Variants in INTS15 observed in about 807,000 individuals in gnomAD.
The protein encoded by INTS15 is integrator complex subunit 15.
At chr7:6,599,375 C>G in the INTS15 span, among the ~76,000 whole-genome samples, 2 of 151,964 alleles carry the variant, frequency 1.3e-5, no homozygotes, top group South Asian at 4.1e-4. Context: ...AGATCACTGA[C>G]AGGACTCTGA....
the INTS15 span, among the ~76,000 whole-genome samples, chr7:6,599,074 C>T: frequency 6.6e-6 from 1 of 152,136 alleles, no homozygotes; most frequent in East Asian, 1.9e-4. Context: ...AGGTGTGAGC[C>T]TGGGCCATAT....
chr7:6,600,849 T>G, the INTS15 span, among the ~76,000 whole-genome samples: 1 of 152,064 alleles, frequency 6.6e-6, no homozygotes, highest in South Asian at 2.1e-4. Context: ...GTAGAGACAG[T>G]TGCACTATGT....
the INTS15 span, among the ~76,000 whole-genome samples, chr7:6,596,907 T>C: frequency 6.6e-6 from 1 of 151,924 alleles, no homozygotes; most frequent in Non-Finnish European, 1.5e-5. Context: ...CCTCAGCCTG[T>C]AGCTGGGACT....
chr7:6,594,466 C>T, the INTS15 span: 7 of 1,614,088 alleles, frequency 4.3e-6, no homozygotes, highest in South Asian at 6.6e-5. Context: ...GTGAGGTTAG[C>T]CAAGGCCCTT....
chr7:6,594,327 C>T, the INTS15 span: 20 of 1,125,524 alleles, frequency 1.8e-5, no homozygotes, highest in South Asian at 8.7e-5. Flanking sequence ...TTTTTTTTGT[C>T]TTGGAAGTGG....
At chr7:6,606,094 A>C in the INTS15 span, among the ~76,000 whole-genome samples, 14 of 152,304 alleles carry the variant, frequency 9.2e-5, no homozygotes, top group East Asian at 2.7e-3. Flanking sequence ...GGGTGTGTAC[A>C]GGTTCAAATC....
At chr7:6,599,603 C>T in the INTS15 span, among the ~76,000 whole-genome samples, 19,514 of 152,186 alleles carry the variant, frequency 0.13, 1,456 homozygotes, top group East Asian at 0.2. Flanking sequence ...CTCCCTTGCT[C>T]CAGGGTCCTG....
the INTS15 span, chr7:6,607,496 C>G: frequency 7.7e-6 from 10 of 1,294,810 alleles, no homozygotes; most frequent in East Asian, 5.6e-5. The surrounding 1 kb of genome is among the most constrained non-coding windows in gnomAD (Gnocchi z 6.0). Flanking sequence ...AGGCCTGGGC[C>G]GTCCCCGAGG....
chr7:6,593,993 G>C, the INTS15 span, among the ~76,000 whole-genome samples: 6 of 130,168 alleles, frequency 4.6e-5, no homozygotes, highest in East Asian at 1.1e-3. Context: ...TTCAGTGTAA[G>C]CCTTTAACTT....
At chr7:6,593,678 G>A in the INTS15 span, among the ~76,000 whole-genome samples, 1 of 132,306 alleles carries the variant, frequency 7.6e-6, no homozygotes, top group Non-Finnish European at 1.6e-5. Context: ...AGACGGTCTT[G>A]CTCTGTTGCT....
the INTS15 span, chr7:6,600,178 G>A: frequency 5.0e-6 from 8 of 1,614,226 alleles, no homozygotes; most frequent in East Asian, 8.9e-5. Flanking sequence ...AGAAGAATCT[G>A]TATGGGCGCC....
the INTS15 span, among the ~76,000 whole-genome samples, chr7:6,592,651 C>T: frequency 6.6e-6 from 1 of 151,122 alleles, no homozygotes; most frequent in East Asian, 1.9e-4. Flanking sequence ...GTCTGTCACC[C>T]AGGGTGGAGT....
At chr7:6,600,824 ATT>A in the INTS15 span, among the ~76,000 whole-genome samples, 2 of 151,756 alleles carry the variant, frequency 1.3e-5, no homozygotes, top group Admixed American at 1.3e-4. Context: ...CGCCTGGCTA[ATT>A]TTTGTATTTT....
the INTS15 span, chr7:6,590,603 C>T: frequency 9.3e-6 from 13 of 1,394,246 alleles, no homozygotes; most frequent in African/African-American, 3.0e-5. Context: ...CGCTCGGCCT[C>T]GCTCCTGCAG....
the INTS15 span, among the ~76,000 whole-genome samples, chr7:6,597,695 G>A: frequency 6.6e-6 from 1 of 150,694 alleles, no homozygotes; most frequent in East Asian, 1.9e-4. Context: ...AGAATATTCA[G>A]GGAATGCCAC....
At chr7:6,607,759 A>G in the INTS15 span, 1 of 1,487,708 alleles carries the variant, frequency 6.7e-7, no homozygotes. The surrounding 1 kb of genome is among the most constrained non-coding windows in gnomAD (Gnocchi z 6.0). Context: ...CCCCGTGCAG[A>G]GCCCACTCCC....
the INTS15 span, chr7:6,590,532 C>T: frequency 6.7e-7 from 1 of 1,484,556 alleles, no homozygotes; most frequent in Non-Finnish European, 9.0e-7. Flanking sequence ...CGGGCCTTTT[C>T]CCCAGCGATG....
the INTS15 span, chr7:6,602,636 G>A: frequency 2.2e-6 from 1 of 462,008 alleles, no homozygotes; most frequent in Non-Finnish European, 4.5e-6. Context: ...GTTGTAAAAT[G>A]GGGGTGATAC....
chr7:6,605,730 G>A, the INTS15 span, among the ~76,000 whole-genome samples: 12 of 152,028 alleles, frequency 7.9e-5, no homozygotes, highest in African/African-American at 2.2e-4. Context: ...ACAGAGTCTC[G>A]CTCTGTCACC....
Sources: gnomAD v4.1 joint callset for allele counts (sites outside exome capture counted in the v4.1 genomes callset) on GRCh38, gnomAD v4.1.1 for gene constraint, Gnocchi (gnomAD v3.1) non-coding constraint, MANE v1.5 for transcripts, NCBI Gene and HGNC (gene_info 2026-07-23, HGNC 2026-07-21) for gene names.